GRM5: variants seen among roughly 807,000 people sequenced by gnomAD.
GRM5 encodes the protein metabotropic glutamate receptor 5.
A neutral mutation model predicts 83.1 loss-of-function variants in GRM5; 19 were observed. The observed-to-expected ratio is 0.23, with a 90% confidence interval of 0.16 to 0.34. The LOEUF is 0.34. GRM5 is among the 10% of genes least tolerant of loss of function. The pLI is 1.00. For missense variants in GRM5, 1,160 were observed against 1,588.3 expected, an observed-to-expected ratio of 0.73 and a Z score of 4.58; for synonymous variants, 675 against 633.6, an observed-to-expected ratio of 1.07 and a Z score of -0.98.
chr11:88,973,980 T>A (rs572914365), intron 2 of GRM5, among the ~76,000 whole-genome samples: 3 of 152,150 alleles, frequency 2.0e-5, no homozygotes, highest in African/African-American at 7.2e-5. Flanking sequence ...GATCAACACT[T>A]TCTAGAGGGA....
chr11:88,929,180 T>C (rs1172676736), intron 2 of GRM5, among the ~76,000 whole-genome samples: 5 of 152,082 alleles, frequency 3.3e-5, no homozygotes, highest in Admixed American at 6.6e-5. Flanking sequence ...TTCTGGCTTA[T>C]TGGTCAGCCT....
intron 3 of GRM5, among the ~76,000 whole-genome samples, chr11:88,743,310 G>A (rs1054400709): frequency 3.3e-5 from 5 of 152,100 alleles, no homozygotes; most frequent in African/African-American, 1.2e-4. Flanking sequence ...CTGGGTACAC[G>A]ATAGACTTCA....
At chr11:88,719,490 C>T (rs1183498485) in intron 3 of GRM5, among the ~76,000 whole-genome samples, 1 of 152,024 alleles carries the variant, frequency 6.6e-6, no homozygotes, top group Non-Finnish European at 1.5e-5. Flanking sequence ...GATTCCATGT[C>T]TTTTCTATTG....
At chr11:88,705,418 C>T (rs999131619) in intron 3 of GRM5, among the ~76,000 whole-genome samples, 15 of 152,168 alleles carry the variant, frequency 9.9e-5, no homozygotes, top group East Asian at 3.9e-4. Context: ...TCAGTCACCT[C>T]TAAATGTATC....
chr11:88,627,611 C>T (rs866203895), intron 4 of GRM5, among the ~76,000 whole-genome samples: 1 of 152,114 alleles, frequency 6.6e-6, no homozygotes, highest in Non-Finnish European at 1.5e-5. Context: ...TTCTGTACCT[C>T]AATCTCACCC....
In GRM5 at chr11:89,047,525, G is replaced by A. The variant is rs199711155; in HGVS notation, c.348C>T (p.Ser116=). The change falls in exon 2 of 10, where the codon TCC becomes TCT. Residue 116 remains serine (S), a synonymous_variant. Transcript: ENST00000305447. The surrounding 1 kb of genome is among the most constrained non-coding windows in gnomAD (Gnocchi z 5.1). ...CTTCTTCCTCTTCTGAAGAAATGAG[G>A]GAATCTCTTATGAACTCAATGCTCT... is the stretch of plus-strand genomic sequence containing the variant. ...LEQSIEFIRD[S]LISSEEEEGL... is the part of the protein sequence containing the mutation. 1 of 1,614,072 alleles carries A rather than the reference G, an allele frequency of 6.2e-7. No individual in the cohort carries two copies. The highest frequency in any genetic ancestry group is 1.3e-5 in the African/African-American group (1 of 75,016).
chr11:88,771,108 T>G (rs1049781052), intron 3 of GRM5, among the ~76,000 whole-genome samples: 3 of 152,106 alleles, frequency 2.0e-5, no homozygotes, highest in African/African-American at 7.2e-5. Flanking sequence ...GGAAATATTT[T>G]TAGAGATCAC....
At chr11:88,578,887 T>C (rs1218029109) in intron 7 of GRM5, among the ~76,000 whole-genome samples, 1 of 152,062 alleles carries the variant, frequency 6.6e-6, no homozygotes, top group African/African-American at 2.4e-5. Context: ...AAATTTTTCA[T>C]TGCATTTTAG....
chr11:88,845,725 GCCCC>G (rs66888159), intron 3 of GRM5, among the ~76,000 whole-genome samples: 1 of 147,338 alleles, frequency 6.8e-6, no homozygotes, highest in Non-Finnish European at 1.5e-5. Flanking sequence ...GAACCACCGC[GCCCC>G]CCCCCACTTT....
chr11:88,772,323 A>AC (rs1198983407), intron 3 of GRM5, among the ~76,000 whole-genome samples: 2 of 152,074 alleles, frequency 1.3e-5, no homozygotes, highest in Admixed American at 1.3e-4. Context: ...GAAGCTCTTA[A>AC]CCGTTTTCTT....
At chr11:88,623,774 A>G (rs748610203) in intron 4 of GRM5, among the ~76,000 whole-genome samples, 8 of 152,238 alleles carry the variant, frequency 5.3e-5, no homozygotes, top group Non-Finnish European at 1.0e-4. Context: ...CCAAATTGCT[A>G]AAAGCAGAGT....
At chr11:88,768,628 GA>G (rs34472260) in intron 3 of GRM5, among the ~76,000 whole-genome samples, 108,459 of 149,916 alleles carry the variant, frequency 0.72, 39,455 homozygotes, top group African/African-American at 0.75. Flanking sequence ...TATAAAAATT[GA>G]AAAAAAAAAG....
chr11:88,964,033 C>A lies in GRM5; in HGVS notation c.661+83179G>T, dbSNP rs527770123. Among the ~76,000 whole-genome samples the A allele has an allele frequency of 1.5e-3, 230 of 152,178 alleles. 1 individual carries two copies. Among genetic ancestry groups the A allele is most frequent in the Non-Finnish European group, 5.6e-4 (38 of 68,016 alleles). On this transcript the variant is annotated intron_variant, in intron 2 of 9. Transcript: ENST00000305447. ...TACACAGATTGGAGACTCTACAGAT[C>A]AGTGCAGGGACACACTCTTTATGTG...
chr11:88,598,716 A>G (rs1335987639), intron 5 of GRM5, among the ~76,000 whole-genome samples: 1 of 152,224 alleles, frequency 6.6e-6, no homozygotes, highest in Non-Finnish European at 1.5e-5. Context: ...AGCTTTAAGT[A>G]TTCAAAGGGT....
intron 2 of GRM5, among the ~76,000 whole-genome samples, chr11:88,901,476 A>G (rs116722595): frequency 0.018 from 2,775 of 152,216 alleles, 80 homozygotes; most frequent in African/African-American, 0.061. Flanking sequence ...CATTCCCTGA[A>G]GTCGTTTCCA....
chr11:88,721,321 G>A (rs1196959065), intron 3 of GRM5, among the ~76,000 whole-genome samples: 5 of 151,944 alleles, frequency 3.3e-5, no homozygotes, highest in African/African-American at 1.2e-4. Context: ...GGAAGAGTTC[G>A]CATCTTGTCA....
At chr11:88,663,958 C>T (rs944506487) in intron 3 of GRM5, among the ~76,000 whole-genome samples, 1 of 152,160 alleles carries the variant, frequency 6.6e-6, no homozygotes, top group Non-Finnish European at 1.5e-5. Context: ...TAACAGGTCA[C>T]TAGGGACTTC....
intron 1 of GRM5, among the ~76,000 whole-genome samples, chr11:89,064,244 A>G (rs2135177465): frequency 6.6e-6 from 1 of 152,326 alleles, no homozygotes; most frequent in East Asian, 1.9e-4. Flanking sequence ...TAACCTTAAA[A>G]ATAGCATATG....
At chr11:88,730,547 T>C (rs1357558852) in intron 3 of GRM5, among the ~76,000 whole-genome samples, 1 of 152,186 alleles carries the variant, frequency 6.6e-6, no homozygotes, top group Non-Finnish European at 1.5e-5. Context: ...TAAATCATTC[T>C]ACTGTAAAGA....
Sources: gnomAD v4.1 joint callset for allele counts (sites outside exome capture counted in the v4.1 genomes callset) on GRCh38, gnomAD v4.1.1 for gene constraint, Gnocchi (gnomAD v3.1) non-coding constraint, MANE v1.5 for transcripts, NCBI Gene and HGNC (gene_info 2026-07-23, HGNC 2026-07-21) for gene names.